SLC39A11: variants seen among roughly 807,000 people sequenced by gnomAD.
SLC39A11 encodes the protein zinc transporter ZIP11.
Under a neutral mutation model 36.1 loss-of-function variants are expected in SLC39A11, and 33 were observed. The ratio of observed to expected loss-of-function variants is 0.91; its 90% CI spans 0.69 to 1.22. The LOEUF (loss-of-function observed/expected upper bound fraction) is 1.22, where lower values mean the gene tolerates loss of function less well. Ranked by LOEUF, SLC39A11 falls within the 50% of genes most tolerant of loss-of-function variation. The pLI, the probability that SLC39A11 is intolerant of heterozygous loss-of-function variation, is 0.00. For missense variants in SLC39A11, 432 were observed against 430.3 expected (o/e 1.00, Z -0.03); for synonymous variants, 166 against 170.3 (o/e 0.97, Z 0.20).
chr17:72,965,453 G>A (rs2086898076), intron 4 of SLC39A11, among the ~76,000 whole-genome samples: 1 of 152,050 alleles, frequency 6.6e-6, no homozygotes, highest in Non-Finnish European at 1.5e-5. Flanking sequence ...ACAACCGTTC[G>A]GTTTCTCAAT....
chr17:72,810,213 C>T (rs2077391752), intron 6 of SLC39A11, among the ~76,000 whole-genome samples: 1 of 152,110 alleles, frequency 6.6e-6, no homozygotes, highest in Non-Finnish European at 1.5e-5. Context: ...AAGCTTAACA[C>T]ATGCTTATGC....
chr17:72,849,502 C>T (rs2079199050), intron 6 of SLC39A11, 132 bp downstream of exon 6: 6 of 860,142 alleles, frequency 7.0e-6, no homozygotes, highest in East Asian at 5.5e-5. Context: ...AAGATTTGTA[C>T]TGCCACCTTC....
At chr17:72,746,820 G>C (rs2074957498) in intron 6 of SLC39A11, among the ~76,000 whole-genome samples, 1 of 152,098 alleles carries the variant, frequency 6.6e-6, no homozygotes, top group Non-Finnish European at 1.5e-5. Flanking sequence ...GATGAGATGG[G>C]AGGATCACTT....
Position 72,736,631 on chromosome 17 carries a change from T to A in SLC39A11, c.671+19A>T, listed in dbSNP as rs762797246. 38 of 1,611,652 alleles carry A rather than the reference T, an allele frequency of 2.4e-5. No homozygotes were observed. The Admixed American group carries it at 5.7e-4, about 24-fold the overall frequency. ...CTGGGTGCAGAACCATGCTCTAGGG[T>A]CCCAGGATGCTGGCTTACCTGGCAC... On this transcript the variant is annotated intron_variant, in intron 7 of 9. Transcript: ENST00000255559.
In SLC39A11 at chr17:72,647,546, T is replaced by C. The variant is rs927040400; in HGVS notation, c.*38A>G. 88 of 1,587,100 alleles carry C rather than the reference T, an allele frequency of 5.5e-5. No homozygotes were observed. Among genetic ancestry groups the C allele is most frequent in the Non-Finnish European group, 7.4e-5 (86 of 1,161,284 alleles). The stretch of plus-strand genomic sequence containing the variant: ...CATAGAAGCCAACCACTGCTGTTTC[T>C]TCGTATGGCCTTTCCCGGGGTCCGA... On this transcript the variant is annotated 3_prime_UTR_variant, in exon 10 of 10. Transcript: ENST00000255559.
At chr17:72,875,881 C>G (rs939788775) in intron 5 of SLC39A11, among the ~76,000 whole-genome samples, 1 of 152,126 alleles carries the variant, frequency 6.6e-6, no homozygotes, top group African/African-American at 2.4e-5. Flanking sequence ...ACATGTCCAC[C>G]CAGTGTGCCA....
intron 6 of SLC39A11, among the ~76,000 whole-genome samples, chr17:72,833,000 C>A (rs2078353939): frequency 6.6e-6 from 1 of 152,070 alleles, no homozygotes; most frequent in Non-Finnish European, 1.5e-5. Flanking sequence ...TTTCAAGAAA[C>A]AAAAATCTTA....
chr17:72,684,300 C>T (rs932558959), intron 7 of SLC39A11, among the ~76,000 whole-genome samples: 1 of 152,180 alleles, frequency 6.6e-6, no homozygotes, highest in Non-Finnish European at 1.5e-5. Context: ...TACAAGTGTC[C>T]AGCTTGTGGC....
chr17:72,974,071 T>G (rs928790556), intron 4 of SLC39A11, among the ~76,000 whole-genome samples: 3 of 152,018 alleles, frequency 2.0e-5, no homozygotes, highest in Admixed American at 6.6e-5. Context: ...TCCTGACCCT[T>G]TGTAGGCCTA....
chr17:73,037,798 C>T (rs570146437), intron 3 of SLC39A11, among the ~76,000 whole-genome samples: 116 of 152,338 alleles, frequency 7.6e-4, no homozygotes, highest in Non-Finnish European at 1.5e-3. Flanking sequence ...AAAGCCCACC[C>T]AATCGAATGA....
intron 4 of SLC39A11, among the ~76,000 whole-genome samples, chr17:73,001,054 A>G (rs557516444): frequency 1.8e-4 from 28 of 152,226 alleles, no homozygotes; most frequent in African/African-American, 6.5e-4. Context: ...CCCTAGCCTA[A>G]GACACCATCA....
chr17:73,059,935 C>T (rs960655907), intron 3 of SLC39A11, among the ~76,000 whole-genome samples: 1 of 151,792 alleles, frequency 6.6e-6, no homozygotes, highest in Non-Finnish European at 1.5e-5. Context: ...ATCAGCAGGG[C>T]GTGGTGACTC....
intron 7 of SLC39A11, among the ~76,000 whole-genome samples, chr17:72,694,635 A>G (rs2567512): frequency 0.74 from 113,005 of 152,192 alleles, 41,964 homozygotes; most frequent in Admixed American, 0.78. Flanking sequence ...AATGGTGGCC[A>G]GAAGATGACG....
intron 7 of SLC39A11, among the ~76,000 whole-genome samples, chr17:72,660,620 C>T (rs991920857): frequency 6.6e-6 from 1 of 152,170 alleles, no homozygotes; most frequent in African/African-American, 2.4e-5. Flanking sequence ...GGCTAGTGAG[C>T]TGAGGTTCTG....
chr17:72,864,403 C>T (rs1010035468), intron 5 of SLC39A11, among the ~76,000 whole-genome samples: 1 of 151,032 alleles, frequency 6.6e-6, no homozygotes, highest in Non-Finnish European at 1.5e-5. Flanking sequence ...CCGATTTGGG[C>T]TTTACCTGCA....
chr17:73,017,144 G>C (rs557571569), intron 4 of SLC39A11, among the ~76,000 whole-genome samples: 3 of 152,250 alleles, frequency 2.0e-5, no homozygotes, highest in Admixed American at 2.0e-4. Flanking sequence ...GAAAAATGAG[G>C]CCAAAAACAC....
chr17:72,649,713 G>A (rs1485362723), intron 7 of SLC39A11, among the ~76,000 whole-genome samples: 5 of 144,742 alleles, frequency 3.5e-5, no homozygotes, highest in Admixed American at 7.1e-5. Flanking sequence ...GCATGATCTC[G>A]GCTCACTGCA....
chr17:72,740,737 A>T (rs2074659244), intron 6 of SLC39A11, among the ~76,000 whole-genome samples: 1 of 152,194 alleles, frequency 6.6e-6, no homozygotes, highest in Non-Finnish European at 1.5e-5. Flanking sequence ...ACTGCTCATG[A>T]GGAGATGCTC....
At position 73,043,512 on chromosome 17, in the gene SLC39A11, C is replaced by A. The variant is rs186304612; in HGVS notation, c.148-11798G>T. On this transcript the variant is annotated intron_variant, in intron 3 of 9. Coordinates refer to ENST00000255559, the MANE Select transcript of SLC39A11 (RefSeq NM_139177.4). The stretch of plus-strand genomic sequence containing the variant: ...GTGTTTTAAAGCCTCACACGTGATG[C>A]TGCAGCAGCTTAGCCAGCATGGAGC... Among the ~76,000 whole-genome samples, 4 of 152,318 alleles carry A rather than the reference C, an allele frequency of 2.6e-5. No individual in the cohort carries two copies. The East Asian group carries it at 7.7e-4, about 29-fold the overall frequency.
Sources: gnomAD v4.1 joint callset for allele counts (sites outside exome capture counted in the v4.1 genomes callset) on GRCh38, gnomAD v4.1.1 for gene constraint, MANE v1.5 for transcripts, NCBI Gene and HGNC (gene_info 2026-07-23, HGNC 2026-07-21) for gene names.